Variants in AEBP2 observed in about 807,000 individuals in gnomAD.
The protein encoded by AEBP2 is AE binding protein 2.
AEBP2 carries 10 observed loss-of-function variants against 50.8 expected under a neutral mutation model. The ratio of observed to expected loss-of-function variants is 0.20; its 90% CI spans 0.12 to 0.33. The LOEUF is 0.33. AEBP2 is among the 10% of genes least tolerant of loss of function. The pLI is 1.00. For missense variants in AEBP2, 570 were observed against 688.0 expected (o/e 0.83, Z 1.92); for synonymous variants, 296 against 261.3 (o/e 1.13, Z -1.28).
chr12:19,508,996 T>C, intron 5 of AEBP2: 1 of 531,792 alleles, frequency 1.9e-6, no homozygotes, highest in Non-Finnish European at 3.6e-6. Context: ...ATAGAGTTGT[T>C]TACCTTTTTA....
chr12:19,435,132 CT>C (rs140447214), upstream of AEBP2, among the ~76,000 whole-genome samples: 4,451 of 142,746 alleles, frequency 0.031, 53 homozygotes, highest in East Asian at 0.045. Context: ...CCTGTCAGAA[CT>C]TTTTTTTTTT....
At chr12:19,486,109 C>G (rs925017720) in intron 3 of AEBP2, among the ~76,000 whole-genome samples, 1 of 152,036 alleles carries the variant, frequency 6.6e-6, no homozygotes, top group African/African-American at 2.4e-5. Context: ...GACAAGATTT[C>G]TAATGTCCTT....
intron 1 of AEBP2, among the ~76,000 whole-genome samples, chr12:19,427,680 C>A (rs916296105): frequency 1.3e-5 from 2 of 152,106 alleles, no homozygotes; most frequent in Non-Finnish European, 2.9e-5. Flanking sequence ...ACCATACATA[C>A]AAACATAGTA....
Position 19,429,823 on chromosome 12 carries a change from GTT to G in AEBP2, c.-17+25618_-17+25619del, listed in dbSNP as rs201943298. Among the ~76,000 whole-genome samples, 730 of 145,956 alleles carry G rather than the reference GTT, an allele frequency of 5.0e-3. 6 individuals carry two copies. The highest frequency in any genetic ancestry group is 0.014 in the African/African-American group (566 of 40,028). On this transcript the variant is annotated intron_variant, in intron 1 of 3. Coordinates refer to the AEBP2 transcript ENST00000538425. ...ATCCTTCGCCCACTTGTTGATGGGA[GTT>G]TTTTTTTTTTCTTGTAAATTTGTTT...
chr12:19,507,942 A>G (rs556942354), intron 5 of AEBP2, among the ~76,000 whole-genome samples: 18 of 152,354 alleles, frequency 1.2e-4, no homozygotes, highest in South Asian at 6.2e-4. Context: ...AAAGAAGGCT[A>G]TGAGGTACTA....
At chr12:19,455,103 C>T (rs1464163227) in intron 1 of AEBP2, among the ~76,000 whole-genome samples, 1 of 151,722 alleles carries the variant, frequency 6.6e-6, no homozygotes, top group Non-Finnish European at 1.5e-5. Flanking sequence ...TCTAGCAATC[C>T]TCACCTTAGC....
At chr12:19,424,459 C>T (rs954150856) in intron 1 of AEBP2, among the ~76,000 whole-genome samples, 10 of 151,712 alleles carry the variant, frequency 6.6e-5, no homozygotes, top group South Asian at 2.1e-4. Context: ...TGCAGTGGCG[C>T]GATCTCGGCT....
At chr12:19,444,068 T>A (rs935441895) in intron 1 of AEBP2, among the ~76,000 whole-genome samples, 1 of 152,186 alleles carries the variant, frequency 6.6e-6, no homozygotes, top group Non-Finnish European at 1.5e-5. Context: ...TTCTTTACTC[T>A]GAACTTTTTT....
At chr12:19,409,235 G>A (rs1203755232) in intron 1 of AEBP2, among the ~76,000 whole-genome samples, 1 of 152,032 alleles carries the variant, frequency 6.6e-6, no homozygotes, top group Non-Finnish European at 1.5e-5. Context: ...CTGAGAGGTG[G>A]CTGCAAAATC....
In AEBP2 at chr12:19,423,772, C is replaced by T. The variant is rs779385055; in HGVS notation, c.-17+19556C>T. Among the ~76,000 whole-genome samples, 418 of 152,256 alleles carry T rather than the reference C, an allele frequency of 2.7e-3. 1 individual carries two copies. Among genetic ancestry groups the T allele is most frequent in the Non-Finnish European group, 4.6e-3 (315 of 68,026 alleles). On this transcript the variant is annotated intron_variant, in intron 1 of 3. Coordinates refer to the AEBP2 transcript ENST00000538425. ...AGGAGAATTGCTTGAACCCCCGAGA[C>T]GGAGGCTGCAGTGAGCCGAGATTGC...
intron 1 of AEBP2, among the ~76,000 whole-genome samples, chr12:19,447,659 G>T (rs903433460): frequency 2.7e-5 from 4 of 145,548 alleles, no homozygotes; most frequent in African/African-American, 1.0e-4. Context: ...ACATGCAAAG[G>T]GGTTACGTAT....
intron 5 of AEBP2, among the ~76,000 whole-genome samples, chr12:19,502,952 T>G (rs996746372): frequency 5.9e-5 from 9 of 152,120 alleles, no homozygotes; most frequent in African/African-American, 2.2e-4. Flanking sequence ...CTTGGCTGTT[T>G]GTTTATTTTT....
chr12:19,428,110 G>A (rs2095749516), intron 1 of AEBP2, among the ~76,000 whole-genome samples: 1 of 151,996 alleles, frequency 6.6e-6, no homozygotes, highest in South Asian at 2.1e-4. Flanking sequence ...GGTGGCATGT[G>A]CCTGTAGTCC....
intron 1 of AEBP2, chr12:19,440,795 G>A: frequency 6.6e-7 from 1 of 1,526,186 alleles, no homozygotes; most frequent in Non-Finnish European, 8.8e-7. Flanking sequence ...TTCCAATATG[G>A]CTGGTCTCGC....
upstream of AEBP2, among the ~76,000 whole-genome samples, chr12:19,436,620 C>G (rs1174502289): frequency 6.8e-6 from 1 of 146,726 alleles, no homozygotes; most frequent in African/African-American, 2.5e-5. Context: ...AGGTCTTACT[C>G]TATTGCCCAA....
intron 7 of AEBP2, among the ~76,000 whole-genome samples, chr12:19,516,954 G>C (rs1157886526): frequency 2.0e-5 from 3 of 152,088 alleles, no homozygotes; most frequent in African/African-American, 7.2e-5. Flanking sequence ...TTGAACCCAG[G>C]AGGCGGAGGT....
chr12:19,483,395 G>C (rs1948759024), intron 3 of AEBP2, among the ~76,000 whole-genome samples: 1 of 152,140 alleles, frequency 6.6e-6, no homozygotes, highest in African/African-American at 2.4e-5. Context: ...GTGGAGGCAG[G>C]TTTTCTCTCT....
rs540825766 is a variant in AEBP2 at position 19,487,713 on chromosome 12, C to T, written c.988-6087C>T. ...TCTGGGTGAGAGAGCGAGACCCCACCTTAAAAAACATAAAGAAAAAAAAAG... is the reference window on the plus strand; with the variant it reads ...TCTGGGTGAGAGAGCGAGACCCCACTTTAAAAAACATAAAGAAAAAAAAAG... On this transcript the variant is annotated intron_variant, in intron 3 of 7. Coordinates refer to ENST00000266508, the MANE Select transcript of AEBP2 (RefSeq NM_153207.5). 4.7e-4 allele frequency among the ~76,000 whole-genome samples: 71 copies of T among 151,140 alleles called. 1 individual carries two copies. Among genetic ancestry groups the T allele is most frequent in the African/African-American group, 1.7e-3 (68 of 41,078 alleles).
chr12:19,460,733 C>T (rs1213703294), intron 1 of AEBP2, among the ~76,000 whole-genome samples: 3 of 150,888 alleles, frequency 2.0e-5, no homozygotes, highest in Non-Finnish European at 4.4e-5. Flanking sequence ...CTGCTCACAG[C>T]AGTCTCCGCC....
Sources: gnomAD v4.1 joint callset for allele counts (sites outside exome capture counted in the v4.1 genomes callset) on GRCh38, gnomAD v4.1.1 for gene constraint, MANE v1.5 for transcripts, NCBI Gene and HGNC (gene_info 2026-07-23, HGNC 2026-07-21) for gene names.